Variants in C1QTNF3 observed in about 807,000 individuals in gnomAD.
C1QTNF3 encodes the protein complement C1q tumor necrosis factor-related protein 3.
Under a neutral mutation model 32.6 loss-of-function variants are expected in C1QTNF3, and 26 were observed. The observed-to-expected ratio is 0.80, with a 90% CI of 0.58 to 1.11. The LOEUF is 1.11. C1QTNF3 is among the 50% of genes least tolerant of loss of function. The pLI is 0.00. For missense variants in C1QTNF3, 362 were observed against 398.2 expected, an observed-to-expected ratio of 0.91 and a Z score of 0.77; for synonymous variants, 155 against 146.0, an observed-to-expected ratio of 1.06 and a Z score of -0.44.
At chr5:34,052,064 G>A in the C1QTNF3 span, among the ~76,000 whole-genome samples, 41 of 152,244 alleles carry the variant, frequency 2.7e-4, no homozygotes, top group South Asian at 5.8e-3. Context: ...CTCGAACCCC[G>A]GAGGTGAATG....
chr5:34,183,189 G>A, the C1QTNF3 span, among the ~76,000 whole-genome samples: 1 of 152,136 alleles, frequency 6.6e-6, no homozygotes, highest in African/African-American at 2.4e-5. Flanking sequence ...ACATTAGCCA[G>A]GATGGTCTTG....
the C1QTNF3 span, among the ~76,000 whole-genome samples, chr5:34,056,475 TATATAGAGAG>T: frequency 7.7e-3 from 783 of 101,070 alleles, 3 homozygotes; most frequent in Non-Finnish European, 0.011. Context: ...TATATATATA[TATATAGAGAG>T]AGAGAGAGAG....
Position 34,042,819 on chromosome 5 carries a change from G to C in C1QTNF3, c.303+4C>G. 1 of 1,609,216 alleles carries C rather than the reference G, an allele frequency of 6.2e-7. No homozygotes were observed. Among genetic ancestry groups the C allele is most frequent in the Non-Finnish European group, 8.5e-7 (1 of 1,177,032 alleles). On this transcript the variant is annotated splice_donor_region_variant and intron_variant, in intron 1 of 5. Coordinates refer to ENST00000382065, the MANE Select transcript of C1QTNF3 (RefSeq NM_181435.6). ...AAAAATCCTTAGAAGAGAATTCTGA[G>C]TACCTGGCCCCAGAATGTGGTGATC...
the C1QTNF3 span, among the ~76,000 whole-genome samples, chr5:34,224,047 C>T: frequency 6.6e-6 from 1 of 152,204 alleles, no homozygotes; most frequent in East Asian, 1.9e-4. Context: ...AACTCCCATT[C>T]ACAATTGCTT....
At chr5:34,057,960 A>T in the C1QTNF3 span, among the ~76,000 whole-genome samples, 1 of 152,162 alleles carries the variant, frequency 6.6e-6, no homozygotes, top group Non-Finnish European at 1.5e-5. Flanking sequence ...TGGGCAAAAG[A>T]CCTGCCTCCC....
chr5:34,139,863 T>C, the C1QTNF3 span, among the ~76,000 whole-genome samples: 1 of 152,204 alleles, frequency 6.6e-6, no homozygotes, highest in Non-Finnish European at 1.5e-5. Context: ...TGAAGTACCG[T>C]CTTATTTCTG....
At chr5:34,187,461 G>A in the C1QTNF3 span, among the ~76,000 whole-genome samples, 1 of 152,312 alleles carries the variant, frequency 6.6e-6, no homozygotes, top group African/African-American at 2.4e-5. Context: ...ACTTCCTAGA[G>A]ACTTGTTGAA....
At chr5:34,070,295 C>T in the C1QTNF3 span, among the ~76,000 whole-genome samples, 862 of 152,186 alleles carry the variant, frequency 5.7e-3, 10 homozygotes, top group African/African-American at 0.02. Flanking sequence ...GAAGGGCAGT[C>T]CTGCCAATCT....
chr5:34,062,662 C>G, the C1QTNF3 span, among the ~76,000 whole-genome samples: 1 of 152,134 alleles, frequency 6.6e-6, no homozygotes, highest in East Asian at 1.9e-4. Context: ...CTCAATCACC[C>G]AGGAGGAGCC....
chr5:34,157,151 TTC>T, the C1QTNF3 span, among the ~76,000 whole-genome samples: 3 of 152,204 alleles, frequency 2.0e-5, no homozygotes, highest in African/African-American at 4.8e-5. Flanking sequence ...TATGAATGTC[TTC>T]TGTTTTCAAT....
At chr5:34,170,608 T>A in the C1QTNF3 span, among the ~76,000 whole-genome samples, 1 of 152,128 alleles carries the variant, frequency 6.6e-6, no homozygotes, top group African/African-American at 2.4e-5. Context: ...AAATTACCCT[T>A]CAAATAGCTG....
chr5:34,163,226 A>T, the C1QTNF3 span, among the ~76,000 whole-genome samples: 2 of 152,170 alleles, frequency 1.3e-5, no homozygotes, highest in Non-Finnish European at 2.9e-5. Context: ...TAAAAATGAA[A>T]GAAAAAGATT....
chr5:34,020,446 T>A lies in C1QTNF3; in HGVS notation c.*137A>T. ...AATTGTCCAACATTATTGGTGTACC[T>A]GTAGCGTGAACAACATTGCAACCAA... is the stretch of plus-strand genomic sequence containing the variant. On this transcript the variant is annotated 3_prime_UTR_variant, in exon 6 of 6. Coordinates refer to ENST00000382065, the MANE Select transcript of C1QTNF3 (RefSeq NM_181435.6). The A allele has an allele frequency of 3.0e-6, 3 of 1,006,446 alleles. No individual in the cohort carries two copies. The highest frequency in any genetic ancestry group is 4.4e-6 in the Non-Finnish European group (3 of 674,294). The allele number at this position is 1,006,446 out of a possible 1,614,324, so 62.3% of individuals were successfully genotyped here.
intron 4 of C1QTNF3, among the ~76,000 whole-genome samples, chr5:34,025,776 A>C (rs900507274): frequency 2.6e-5 from 4 of 152,222 alleles, no homozygotes; most frequent in Non-Finnish European, 4.4e-5. Context: ...ATTCCATGGA[A>C]ATGTGGACTA....
chr5:34,075,349 A>C, the C1QTNF3 span, among the ~76,000 whole-genome samples: 16 of 151,728 alleles, frequency 1.1e-4, no homozygotes, highest in Non-Finnish European at 1.5e-4. Context: ...TTAAAAATAA[A>C]GATCCTACCG....
At chr5:34,176,018 TAA>T in the C1QTNF3 span, 1 of 675,366 alleles carries the variant, frequency 1.5e-6, no homozygotes, top group South Asian at 1.7e-5. Context: ...TAGATAAAAA[TAA>T]AGATCCACTT....
chr5:34,033,250 C>T (rs1463450017), intron 3 of C1QTNF3, 54 bp downstream of exon 3: 1 of 1,588,312 alleles, frequency 6.3e-7, no homozygotes, highest in Admixed American at 1.9e-5. Context: ...TTCCTGGCCC[C>T]TTTTGGTCAG....
At chr5:34,205,216 A>AGGAT in the C1QTNF3 span, among the ~76,000 whole-genome samples, 2 of 151,698 alleles carry the variant, frequency 1.3e-5, no homozygotes, top group African/African-American at 4.9e-5. Context: ...AATAAGAGTC[A>AGGAT]GGATTTTTAT....
At chr5:34,082,156 A>T in the C1QTNF3 span, among the ~76,000 whole-genome samples, 3 of 151,642 alleles carry the variant, frequency 2.0e-5, no homozygotes, top group African/African-American at 4.9e-5. Flanking sequence ...AGGAAATAGC[A>T]GATATAAATG....
Sources: gnomAD v4.1 joint callset for allele counts (sites outside exome capture counted in the v4.1 genomes callset) on GRCh38, gnomAD v4.1.1 for gene constraint, MANE v1.5 for transcripts, NCBI Gene and HGNC (gene_info 2026-07-23, HGNC 2026-07-21) for gene names.